Variants in OXR1 observed in about 807,000 individuals in gnomAD.
OXR1 encodes oxidation resistance protein 1.
Under a neutral mutation model 104.6 loss-of-function variants are expected in OXR1, and 41 were observed. That is an observed-to-expected ratio of 0.39 (90% CI 0.31 to 0.51). OXR1 has a LOEUF of 0.51. OXR1 is among the 20% of genes least tolerant of loss of function. The probability of loss-of-function intolerance (pLI) is 0.77; values close to 1 mark genes in which losing one functional copy is unlikely to be tolerated. For missense variants in OXR1, 955 were observed against 1,031.9 expected, an observed-to-expected ratio of 0.93 and a Z score of 1.02; for synonymous variants, 348 against 348.4, an observed-to-expected ratio of 1.00 and a Z score of 0.01.
intron 1 of OXR1, among the ~76,000 whole-genome samples, chr8:106,336,123 G>C (rs574346633): frequency 6.6e-6 from 1 of 152,232 alleles, no homozygotes; most frequent in South Asian, 2.1e-4. Flanking sequence ...AAATAAAAAG[G>C]CTAATTTTAA....
At chr8:106,355,957 T>C (rs1815950121) in intron 1 of OXR1, among the ~76,000 whole-genome samples, 1 of 152,100 alleles carries the variant, frequency 6.6e-6, no homozygotes, top group African/African-American at 2.4e-5. Flanking sequence ...CGAGGAAAAC[T>C]GGATTCCATA....
At chr8:106,679,118 T>C (rs1205278350) in intron 3 of OXR1, 92 bp from the exon 4 acceptor site, 1 of 662,204 alleles carries the variant, frequency 1.5e-6, no homozygotes, top group Non-Finnish European at 2.6e-6. Context: ...ACTAGTAAAT[T>C]AGACATCTGC....
At chr8:106,518,418 A>G (rs1192980140) in intron 2 of OXR1, among the ~76,000 whole-genome samples, 1 of 152,230 alleles carries the variant, frequency 6.6e-6, no homozygotes, top group Non-Finnish European at 1.5e-5. Flanking sequence ...TCAGCTATCT[A>G]AAATGTAGAA....
chr8:106,379,812 G>A (rs1050615515), intron 2 of OXR1, among the ~76,000 whole-genome samples: 3 of 151,640 alleles, frequency 2.0e-5, no homozygotes, highest in African/African-American at 7.3e-5. Flanking sequence ...TAAAGTGCTG[G>A]GATTACAGGC....
At chr8:106,728,217 G>GAAAA (rs1164061309) in intron 11 of OXR1, among the ~76,000 whole-genome samples, 2 of 85,822 alleles carry the variant, frequency 2.3e-5, no homozygotes, top group African/African-American at 4.2e-5. Flanking sequence ...TTCTAAACTG[G>GAAAA]AAAAAAAAAA....
chr8:106,570,205 G>A (rs1478709842), intron 3 of OXR1, among the ~76,000 whole-genome samples: 2 of 152,124 alleles, frequency 1.3e-5, no homozygotes, highest in African/African-American at 4.8e-5. Flanking sequence ...TGCTTCCACT[G>A]TGTCTACATC....
intron 1 of OXR1, among the ~76,000 whole-genome samples, chr8:106,289,503 A>C (rs867210156): frequency 6.6e-6 from 1 of 152,228 alleles, no homozygotes; most frequent in African/African-American, 2.4e-5. Flanking sequence ...CTGCTGGAAG[A>C]AATCAGAGAT....
chr8:106,385,959 C>T (rs920383165), intron 2 of OXR1, among the ~76,000 whole-genome samples: 1 of 152,066 alleles, frequency 6.6e-6, no homozygotes, highest in Non-Finnish European at 1.5e-5. Flanking sequence ...CAGATTCAGA[C>T]GTCTAAGCCT....
chr8:106,511,934 C>T (rs1812558853), intron 2 of OXR1, among the ~76,000 whole-genome samples: 2 of 152,160 alleles, frequency 1.3e-5, no homozygotes, highest in South Asian at 4.1e-4. Flanking sequence ...CTACCTACCT[C>T]ATAAGCTTGT....
Position 106,371,626 on chromosome 8 carries a change from G to A in OXR1, c.23+11990G>A, listed in dbSNP as rs1586576840. Among the ~76,000 whole-genome samples the A allele has an allele frequency of 1.3e-5, 2 of 152,172 alleles. 1 individual carries two copies. Among genetic ancestry groups the A allele is most frequent in the South Asian group, 4.1e-4 (2 of 4,830 alleles). ...TCTCATTGGTTTCAAAGAACTTCTT[G>A]ATTTCTGCCTTAATTTCATTATGTA... On this transcript the variant is annotated intron_variant, in intron 2 of 16. Transcript: ENST00000517566.
At position 106,718,253 on chromosome 8, in the gene OXR1, A is replaced by G; in HGVS notation, c.1956+4268A>G. On this transcript the variant is annotated intron_variant, in intron 11 of 16. Transcript: ENST00000517566. ...AAACTATGGCACCCCAAATTACTAA[A>G]ATGTACACTTGGGATAGCAGGAAAA... is the stretch of plus-strand genomic sequence containing the variant. 1.3e-5 allele frequency among the ~76,000 whole-genome samples: 2 copies of G among 152,192 alleles called. 1 individual carries two copies. Among genetic ancestry groups the G allele is most frequent in the Middle Eastern group, 6.3e-3 (2 of 316 alleles).
chr8:106,706,678 A>T lies in OXR1; in HGVS notation c.1157A>T (p.Glu386Val). The change falls in exon 9 of 17, where the codon GAA becomes GTA. Residue 386 changes from glutamate (E) to valine (V), a missense_variant. This residue lies in a region of OXR1 where 849 missense variants were observed against 852.9 expected (regional missense o/e 1.00). Coordinates refer to ENST00000517566, the MANE Select transcript of OXR1 (RefSeq NM_001198533.2). ...AEVESLTVKS[E>V]STGTPGHLRS... ...GTAGAAAGTCTGACAGTCAAATCAGAATCTACTGGTACTCCTGGTCACTTA... is the reference window on the plus strand; with the variant it reads ...GTAGAAAGTCTGACAGTCAAATCAGTATCTACTGGTACTCCTGGTCACTTA... 1 of 1,613,406 alleles carries T rather than the reference A, an allele frequency of 6.2e-7. No homozygotes were observed. Among genetic ancestry groups the T allele is most frequent in the Non-Finnish European group, 8.5e-7 (1 of 1,179,766 alleles).
At chr8:106,717,820 A>G (rs568453734) in intron 11 of OXR1, among the ~76,000 whole-genome samples, 1 of 96,418 alleles carries the variant, frequency 1.0e-5, no homozygotes, top group Non-Finnish European at 2.1e-5. Context: ...CAGTTGTAGT[A>G]AATATTTTCA....
intron 5 of OXR1, 137 bp downstream of exon 5, chr8:106,683,443 T>G (rs1273792380): frequency 4.2e-6 from 2 of 470,772 alleles, no homozygotes; most frequent in Non-Finnish European, 7.6e-6. Flanking sequence ...ATATTGGCCA[T>G]GTAAGAGAAA....
intron 1 of OXR1, among the ~76,000 whole-genome samples, chr8:106,273,383 G>A (rs192487223): frequency 6.6e-5 from 10 of 152,316 alleles, no homozygotes; most frequent in Admixed American, 6.5e-4. Context: ...TTGTTGATAG[G>A]CTTAGAGCAG....
intron 2 of OXR1, among the ~76,000 whole-genome samples, chr8:106,411,150 T>A (rs1043333746): frequency 6.6e-6 from 1 of 152,124 alleles, no homozygotes; most frequent in Non-Finnish European, 1.5e-5. Flanking sequence ...TTTGATCTAG[T>A]GTACAGGAAA....
chr8:106,364,589 A>G (rs1816386860), intron 2 of OXR1, among the ~76,000 whole-genome samples: 4 of 142,732 alleles, frequency 2.8e-5, no homozygotes, highest in South Asian at 4.7e-4. Context: ...CTAAACAACA[A>G]CAACAACAAC....
chr8:106,677,760 C>T (rs1034706006), intron 3 of OXR1, among the ~76,000 whole-genome samples: 12 of 150,626 alleles, frequency 8.0e-5, no homozygotes, highest in East Asian at 1.9e-4. Context: ...TATGCGCACG[C>T]GTGTGTGTGT....
At chr8:106,663,948 A>G (rs544129681) in intron 3 of OXR1, among the ~76,000 whole-genome samples, 4 of 152,270 alleles carry the variant, frequency 2.6e-5, no homozygotes, top group Admixed American at 2.0e-4. Flanking sequence ...TAAAACAACC[A>G]CCACCACCAC....
Sources: allele counts gnomAD v4.1 joint callset (sites outside exome capture counted in the v4.1 genomes callset), GRCh38; gene constraint gnomAD v4.1.1; regional missense constraint gnomAD v4.1.1; transcripts MANE v1.5; gene names NCBI Gene and HGNC (gene_info 2026-07-23, HGNC 2026-07-21).